Variants in TRIM39 observed in about 807,000 individuals in gnomAD.
TRIM39 encodes the protein tripartite motif containing 39.
A neutral mutation model predicts 53.6 loss-of-function variants in TRIM39; 5 were observed. The ratio of observed to expected loss-of-function variants is 0.09; its 90% CI spans 0.05 to 0.20. The LOEUF (loss-of-function observed/expected upper bound fraction) is 0.20, where lower values mean the gene tolerates loss of function less well. Ranked by LOEUF, TRIM39 falls within the 10% of genes least tolerant of loss-of-function variation. The pLI is 1.00. For synonymous variants in TRIM39, 196 were observed against 237.6 expected (o/e 0.82, Z 1.61); for missense variants, 310 against 621.0 (o/e 0.50, Z 5.32).
At chr6:30,336,995 A>G (rs1786943100) in intron 5 of TRIM39, among the ~76,000 whole-genome samples, 1 of 152,276 alleles carries the variant, frequency 6.6e-6, no homozygotes, top group African/African-American at 2.4e-5. Flanking sequence ...TGAAAACAAC[A>G]TGAATCTCAT....
intron 6 of TRIM39, 200 bp from the exon 7 acceptor site, chr6:30,340,305 A>T: frequency 6.8e-6 from 11 of 1,613,072 alleles, no homozygotes; most frequent in Non-Finnish European, 9.3e-6. Context: ...GCTCACTCTC[A>T]ACGATCTGTC....
At chr6:30,341,517 G>A (rs898437302) in intron 7 of TRIM39, 195 bp from the exon 8 acceptor site, 1 of 849,062 alleles carries the variant, frequency 1.2e-6, no homozygotes, top group Non-Finnish European at 2.0e-6. Flanking sequence ...TTTACTTTAG[G>A]GTCAGGGTGA....
At chr6:30,340,308 G>A (rs1049516000) in intron 6 of TRIM39, 197 bp from the exon 7 acceptor site, 3 of 1,613,058 alleles carry the variant, frequency 1.9e-6, no homozygotes, top group East Asian at 2.2e-5. Context: ...CACTCTCAAC[G>A]ATCTGTCCAC....
At chr6:30,332,344 A>G (rs546041937) in intron 4 of TRIM39, among the ~76,000 whole-genome samples, 1 of 152,350 alleles carries the variant, frequency 6.6e-6, no homozygotes, top group African/African-American at 2.4e-5. Context: ...CACAGCTGCA[A>G]GTTCATAAGA....
At chr6:30,329,068 G>A in intron 2 of TRIM39, 27 bp downstream of exon 2, 1 of 526,900 alleles carries the variant, frequency 1.9e-6, no homozygotes, top group Non-Finnish European at 3.3e-6. Flanking sequence ...ATCAATTGGG[G>A]GTTGTGTGTC....
rs780842385 is a variant in TRIM39 at position 30,341,695 on chromosome 6, C to G, written c.920-17C>G. 6.2e-7 allele frequency: 1 copy of G among 1,602,210 alleles called. No individual in the cohort carries two copies. Among genetic ancestry groups the G allele is most frequent in the Non-Finnish European group, 8.5e-7 (1 of 1,174,328 alleles). ...TCCCATCCTCATCTAGCTCCCCACT[C>G]TGGCTTCTCCCGCCAGCGGATGTGA... On this transcript the variant is annotated splice_polypyrimidine_tract_variant and intron_variant, in intron 7 of 7. Transcript: ENST00000396551.
chr6:30,335,574 C>T lies in TRIM39; in HGVS notation c.550-171C>T, dbSNP rs762298788. On this transcript the variant is annotated intron_variant, in intron 4 of 7. Coordinates refer to ENST00000396551, the Ensembl canonical transcript of TRIM39. This position sits in a 1 kb window ranked among gnomAD's most constrained non-coding sequence, Gnocchi z 4.7. Reference sequence around the variant, plus strand: ...CTCATCCCAAGCAATCCACCTCCCTCGGCCTCCCAAAGTCCTGGGATTACA... The same window carrying T: ...CTCATCCCAAGCAATCCACCTCCCTTGGCCTCCCAAAGTCCTGGGATTACA... 3.3e-5 allele frequency among the ~76,000 whole-genome samples: 5 copies of T among 152,026 alleles called. No individual in the cohort carries two copies. Among genetic ancestry groups the T allele is most frequent in the Admixed American group, 6.5e-5 (1 of 15,280 alleles).
chr6:30,329,989 A>G (rs1171601541), intron 3 of TRIM39, among the ~76,000 whole-genome samples: 1 of 152,232 alleles, frequency 6.6e-6, no homozygotes, highest in Non-Finnish European at 1.5e-5. Flanking sequence ...TTTGCAATAC[A>G]TGTGAGTCTT....
At chr6:30,341,769 G>A (rs199883161) in exon 8 of TRIM39, 18 of 1,612,888 alleles carry the variant, frequency 1.1e-5, no homozygotes, top group East Asian at 2.2e-5. Flanking sequence ...TCAGAGGATC[G>A]TAAGAGCGTC....
Position 30,335,659 on chromosome 6 carries a change from G to C in TRIM39, c.550-86G>C, listed in dbSNP as rs1786763737. Reference sequence around the variant, plus strand: ...ATTTTCAATGAAACTGGAAGTCTGTGTTAATTCATACATATGGTGGGTGAG... The same window carrying C: ...ATTTTCAATGAAACTGGAAGTCTGTCTTAATTCATACATATGGTGGGTGAG... On this transcript the variant is annotated intron_variant, in intron 4 of 7. Transcript: ENST00000396551. The surrounding 1 kb of genome is among the most constrained non-coding windows in gnomAD (Gnocchi z 4.7). The C allele has an allele frequency of 6.1e-6, 9 of 1,475,420 alleles. No individual in the cohort carries two copies. The highest frequency in any genetic ancestry group is 8.2e-6 in the Non-Finnish European group (9 of 1,102,180). The allele number at this position is 1,475,420 out of a possible 1,614,324, so 91.4% of individuals were successfully genotyped here.
intron 4 of TRIM39, among the ~76,000 whole-genome samples, chr6:30,334,355 G>A (rs1243322008): frequency 6.6e-6 from 1 of 152,176 alleles, no homozygotes; most frequent in Non-Finnish European, 1.5e-5. Context: ...CAGAAGAGAG[G>A]ATGTGCTGAT....
chr6:30,334,208 C>T (rs1411737423), intron 4 of TRIM39, among the ~76,000 whole-genome samples: 1 of 152,220 alleles, frequency 6.6e-6, no homozygotes, highest in Non-Finnish European at 1.5e-5. Context: ...ACTCTCTCTC[C>T]ACCCTCAAGC....
chr6:30,341,246 A>G (rs1314249096), intron 7 of TRIM39: 1 of 347,618 alleles, frequency 2.9e-6, no homozygotes, highest in African/African-American at 2.2e-5. Flanking sequence ...AGGGAGTGTC[A>G]TTATATTAAT....
rs1787244036 is a variant in TRIM39, at chr6:30,339,480, A to G, written c.781-428A>G. Among the ~76,000 whole-genome samples the G allele has an allele frequency of 6.6e-6, 1 of 152,114 alleles. No homozygotes were observed. Among genetic ancestry groups the G allele is most frequent in the Non-Finnish European group, 1.5e-5 (1 of 67,990 alleles). On this transcript the variant is annotated intron_variant, in intron 5 of 7. Coordinates refer to ENST00000396551, the Ensembl canonical transcript of TRIM39. This position sits in a 1 kb window ranked among gnomAD's most constrained non-coding sequence, Gnocchi z 4.2. ...TGATGTTTATTAACTAATGCAAGAC[A>G]GGGGATACCAAACCGTAACAGGAAT...
At position 30,339,886 on chromosome 6, in the gene TRIM39, T is replaced by C. The variant is rs1489220642; in HGVS notation, c.781-22T>C. On this transcript the variant is annotated intron_variant, in intron 5 of 7. Coordinates refer to ENST00000396551, the Ensembl canonical transcript of TRIM39. This position sits in a 1 kb window ranked among gnomAD's most constrained non-coding sequence, Gnocchi z 4.2. ...CACTGAATACCAGGACCAATATTGC[T>C]TTCTTTTCTCCTTCCTTCTAGGATG... is the stretch of plus-strand genomic sequence containing the variant. 1 of 1,614,118 alleles carries C rather than the reference T, an allele frequency of 6.2e-7. No homozygotes were observed. The highest frequency in any genetic ancestry group is 8.5e-7 in the Non-Finnish European group (1 of 1,180,002).
Position 30,338,765 on chromosome 6 carries a change from C to T in TRIM39, c.781-1143C>T, listed in dbSNP as rs528641703. 3.3e-5 allele frequency among the ~76,000 whole-genome samples: 5 copies of T among 151,846 alleles called. No homozygotes were observed. Among genetic ancestry groups the T allele is most frequent in the Admixed American group, 6.6e-5 (1 of 15,218 alleles). ...AAAAACATACAATGTCAACAAAACA[C>T]AATAAAGCGAGGTGCAATAAAATGA... On this transcript the variant is annotated intron_variant, in intron 5 of 7. Transcript: ENST00000396551. This position sits in a 1 kb window ranked among gnomAD's most constrained non-coding sequence, Gnocchi z 4.0.
Position 30,340,432 on chromosome 6 carries a change from A to G in TRIM39, c.804-73A>G. The G allele has an allele frequency of 5.0e-6, 8 of 1,610,282 alleles. No individual in the cohort carries two copies. The South Asian group carries it at 8.8e-5, about 18-fold the overall frequency. On this transcript the variant is annotated intron_variant, in intron 6 of 7. Coordinates refer to ENST00000396551, the Ensembl canonical transcript of TRIM39. ...TTAATTTCTCCCTAAAAATGTTAAC[A>G]TCTGAATAGTCACTTGGCTGGAGCT...
chr6:30,333,384 G>T (rs1226918021), intron 4 of TRIM39, among the ~76,000 whole-genome samples: 1 of 125,534 alleles, frequency 8.0e-6, no homozygotes. Context: ...TTGAGACGGC[G>T]TCTCGCTCTG....
Position 30,342,292 on chromosome 6 carries a change from C to A in TRIM39, c.*33C>A. 6.2e-7 allele frequency: 1 copy of A among 1,603,350 alleles called. No individual in the cohort carries two copies. Among genetic ancestry groups the A allele is most frequent in the South Asian group, 1.1e-5 (1 of 89,418 alleles). Reference sequence around the variant, plus strand: ...GGATGTGGGAATGACTGGGGTGAGGCAGGGTCAAGTGCTACGGGCCTCCTT... The same window carrying A: ...GGATGTGGGAATGACTGGGGTGAGGAAGGGTCAAGTGCTACGGGCCTCCTT... On this transcript the variant is annotated 3_prime_UTR_variant, in exon 8 of 8. Coordinates refer to ENST00000396551, the Ensembl canonical transcript of TRIM39. This position sits in a 1 kb window ranked among gnomAD's most constrained non-coding sequence, Gnocchi z 4.7.
Sources: allele counts gnomAD v4.1 joint callset (sites outside exome capture counted in the v4.1 genomes callset), GRCh38; gene constraint gnomAD v4.1.1; non-coding constraint Gnocchi (gnomAD v3.1); transcripts MANE v1.5; gene names NCBI Gene and HGNC (gene_info 2026-07-23, HGNC 2026-07-21).